Variants in SHOX observed in about 807,000 individuals in gnomAD.
The protein encoded by SHOX is SHOX homeobox.
SHOX carries 12 observed loss-of-function variants against 29.6 expected under a neutral mutation model. That is an observed-to-expected ratio of 0.41 (90% CI 0.26 to 0.66). SHOX has a LOEUF of 0.66. Ranked by LOEUF, SHOX falls within the 30% of genes least tolerant of loss-of-function variation. SHOX has a pLI of 0.35. For missense variants in SHOX, 499 were observed against 437.7 expected (o/e 1.14, Z -1.25); for synonymous variants, 214 against 200.6 (o/e 1.07, Z -0.57).
rs112095128 is a variant in SHOX, at chrX:649,597, C to G, written c.*4961C>G. 1.3e-5 allele frequency among the ~76,000 whole-genome samples: 2 copies of G among 152,142 alleles called. No homozygotes were observed. The highest frequency in any genetic ancestry group is 4.8e-5 in the African/African-American group (2 of 41,444). ...CGTTCCTGCTTTCCCTGTGGCTTCC[C>G]GGTGAGCTCGCTCGCAGAGCAAGGA... On this transcript the variant is annotated 3_prime_UTR_variant, in exon 5 of 5. Transcript: ENST00000686671.
chrX:625,039 TTTCCTCCCTCTGTTCCTTC>T (rs1569491766), intron 1 of SHOX, among the ~76,000 whole-genome samples: 5 of 103,956 alleles, frequency 4.8e-5, no homozygotes, highest in South Asian at 3.1e-4. Flanking sequence ...CCTCCTTTCC[TTTCCTCCCTCTGTTCCTTC>T]CTCCCTCCCT....
At chrX:629,453 G>C (rs2052608383), upstream of SHOX, among the ~76,000 whole-genome samples, 5 of 131,450 alleles carry the variant, frequency 3.8e-5, no homozygotes, top group South Asian at 1.2e-3. Context: ...CCATCCCTCT[G>C]TCTCTCCCTT....
chrX:658,593 C>G (rs2124230279), intron 5 of SHOX, among the ~76,000 whole-genome samples: 1 of 151,936 alleles, frequency 6.6e-6, no homozygotes, highest in African/African-American at 2.4e-5. Context: ...GCCTCAGCCT[C>G]CCCAGTAGCT....
At chrX:635,210 G>T (rs2052724041) in intron 2 of SHOX, among the ~76,000 whole-genome samples, 1 of 151,968 alleles carries the variant, frequency 6.6e-6, no homozygotes, top group South Asian at 2.1e-4. Flanking sequence ...TGGTTATAGG[G>T]GCAACACATG....
intron 4 of SHOX, among the ~76,000 whole-genome samples, chrX:643,823 GACCTGGTGACCCGGGAGAGGCTTGGAC>G (rs2052911649): frequency 1.5e-5 from 2 of 136,460 alleles, no homozygotes; most frequent in African/African-American, 6.0e-5. Flanking sequence ...GAGCCTTGGG[GACCTGGTGACCCGGGAGAGGCTTGGAC>G]ACCTGGTGTC....
In SHOX at chrX:649,382, G is replaced by A. The variant is rs1208372719; in HGVS notation, c.*4746G>A. ...ATGTTTAGGAAGGACTGGGCTGATG[G>A]GGACCCTCTGTATGTGATGTGCGTG... On this transcript the variant is annotated 3_prime_UTR_variant, in exon 5 of 5. Coordinates refer to ENST00000686671, the MANE Select transcript of SHOX (RefSeq NM_000451.4). Among the ~76,000 whole-genome samples the A allele has an allele frequency of 6.6e-6, 1 of 152,116 alleles. No individual in the cohort carries two copies. Among genetic ancestry groups the A allele is most frequent in the Non-Finnish European group, 1.5e-5 (1 of 68,016 alleles).
intron 1 of SHOX, among the ~76,000 whole-genome samples, chrX:634,007 A>C (rs1408719433): frequency 6.6e-6 from 1 of 152,212 alleles, no homozygotes; most frequent in African/African-American, 2.4e-5. Context: ...CGCGTGTGAA[A>C]AAGTGGGAAG....
chrX:651,303 G>T lies in SHOX; in HGVS notation c.*6667G>T, dbSNP rs1368256841. The T allele has an allele frequency of 2.2e-6, 1 of 455,458 alleles. No homozygotes were observed. The highest frequency in any genetic ancestry group is 4.4e-6 in the Non-Finnish European group (1 of 226,746). The allele number at this position is 455,458 out of a possible 1,614,324, so 28.2% of individuals were successfully genotyped here. ...ACAGATATTTTCAGGGATTGCTTCA[G>T]ATGAAAACAAATCACACACCGTTTC... On this transcript the variant is annotated 3_prime_UTR_variant, in exon 5 of 5. Coordinates refer to ENST00000686671, the MANE Select transcript of SHOX (RefSeq NM_000451.4).
chrX:648,671 G>A lies in SHOX; in HGVS notation c.*4035G>A, dbSNP rs1268648272. Among the ~76,000 whole-genome samples, 1 of 152,224 alleles carries A rather than the reference G, an allele frequency of 6.6e-6. No individual in the cohort carries two copies. Among genetic ancestry groups the A allele is most frequent in the Non-Finnish European group, 1.5e-5 (1 of 68,042 alleles). On this transcript the variant is annotated 3_prime_UTR_variant, in exon 5 of 5. Transcript: ENST00000686671. The stretch of plus-strand genomic sequence containing the variant: ...ATCAAACGCAGAGAACTGTGAGGGT[G>A]GGACACGAGTGTCTGTGGACACTGG...
chrX:656,651 C>G (rs990430407), intron 5 of SHOX, among the ~76,000 whole-genome samples: 11 of 152,106 alleles, frequency 7.2e-5, no homozygotes, highest in Non-Finnish European at 1.3e-4. Context: ...ACCATCCTGG[C>G]TAACACGGTG....
chrX:625,715 GTCTCTC>G (rs753102414), intron 1 of SHOX, among the ~76,000 whole-genome samples: 1 of 122,066 alleles, frequency 8.2e-6, no homozygotes, highest in African/African-American at 3.7e-5. Context: ...TTCTATCTCT[GTCTCTC>G]TCTCTCCTCT....
At chrX:651,921 A>T (rs190101808), downstream of SHOX, among the ~76,000 whole-genome samples, 110 of 151,168 alleles carry the variant, frequency 7.3e-4, no homozygotes, top group East Asian at 0.014. Flanking sequence ...TTAATTAATT[A>T]ATTTATTTTT....
rs768906657 is a variant in SHOX at position 648,334 on chromosome X, A to G, written c.*3698A>G. On this transcript the variant is annotated 3_prime_UTR_variant, in exon 5 of 5. Transcript: ENST00000686671. ...ACTTTCTGGTAGTTTTAGTAGAGAC[A>G]GGGTTTCAGCCTCCCGAGTAGCTGG... 0.014 allele frequency among the ~76,000 whole-genome samples: 2,101 copies of G among 151,156 alleles called. 35 individuals carry two copies. The highest frequency in any genetic ancestry group is 0.049 in the African/African-American group (2,023 of 41,022).
At chrX:641,191 C>G in intron 4 of SHOX, 104 bp downstream of exon 4, 3 of 1,107,372 alleles carry the variant, frequency 2.7e-6, no homozygotes, top group Non-Finnish European at 4.1e-6. Context: ...CCTCCCTGCC[C>G]CTGCAGACTT....
chrX:654,726 C>A (rs28604928), downstream of SHOX, among the ~76,000 whole-genome samples: 60,997 of 151,892 alleles, frequency 0.4, 13,770 homozygotes, highest in African/African-American at 0.62. Flanking sequence ...CGCTCTGTTG[C>A]CAGGCTGGAG....
At chrX:631,807 C>T in intron 1 of SHOX, 2 of 439,214 alleles carry the variant, frequency 4.6e-6, no homozygotes, top group Admixed American at 4.8e-5. Context: ...GCTGGGATGA[C>T]AGGCGTGAGG....
At chrX:635,857 G>GGA (rs369333132) in intron 2 of SHOX, among the ~76,000 whole-genome samples, 31,781 of 145,988 alleles carry the variant, frequency 0.22, 3,686 homozygotes, top group African/African-American at 0.31. Context: ...GTGGGGGGAG[G>GGA]GAGAGAGAGA....
chrX:641,288 G>A (rs73607272), intron 4 of SHOX, among the ~76,000 whole-genome samples: 2,544 of 152,280 alleles, frequency 0.017, 64 homozygotes, highest in African/African-American at 0.056. Flanking sequence ...TGGGCCAGGC[G>A]GGGTGGCTCA....
chrX:634,521 C>T, intron 1 of SHOX, 97 bp from the exon 2 acceptor site: 2 of 1,338,716 alleles, frequency 1.5e-6, no homozygotes, highest in Non-Finnish European at 1.1e-6. Flanking sequence ...CATTGGTTTT[C>T]GAGGGCCCCC....
Sources: gnomAD v4.1 joint callset for allele counts (sites outside exome capture counted in the v4.1 genomes callset) on GRCh38, gnomAD v4.1.1 for gene constraint, MANE v1.5 for transcripts, NCBI Gene and HGNC (gene_info 2026-07-23, HGNC 2026-07-21) for gene names.